Variants in STK32C observed in about 807,000 individuals in gnomAD.
STK32C encodes serine/threonine-protein kinase 32C.
A neutral mutation model predicts 56.5 loss-of-function variants in STK32C; 31 were observed. That is an observed-to-expected ratio of 0.55 (90% confidence interval 0.41 to 0.74). STK32C has a LOEUF of 0.74. Ranked by LOEUF, STK32C falls within the 30% of genes least tolerant of loss-of-function variation. STK32C has a pLI of 0.00. For missense variants in STK32C, 544 were observed against 676.9 expected (o/e 0.80, Z 2.18); for synonymous variants, 309 against 289.4 (o/e 1.07, Z -0.69).
chr10:132,236,409 G>A (rs2063296483), intron 2 of STK32C, among the ~76,000 whole-genome samples: 2 of 152,238 alleles, frequency 1.3e-5, no homozygotes, highest in Admixed American at 6.5e-5. Context: ...AGATGAGGAA[G>A]CTGAGGCTGG....
At chr10:132,308,124 C>A (rs992607696), upstream of STK32C, among the ~76,000 whole-genome samples, 1 of 10,366 alleles carries the variant, frequency 9.6e-5, no homozygotes. Flanking sequence ...GAGCCGGGGG[C>A]GGGGCAGGGG....
chr10:132,274,133 C>G (rs1443977179), intron 1 of STK32C, among the ~76,000 whole-genome samples: 2 of 152,220 alleles, frequency 1.3e-5, no homozygotes, highest in Non-Finnish European at 2.9e-5. Context: ...TCTGCAGATG[C>G]CTGCGGGGTC....
chr10:132,233,308 T>C (rs984691914), intron 2 of STK32C, among the ~76,000 whole-genome samples: 10 of 152,116 alleles, frequency 6.6e-5, no homozygotes, highest in African/African-American at 2.4e-4. Flanking sequence ...GGCAGTTCCA[T>C]CTCTCACTCT....
At chr10:132,308,473 G>C (rs576022155), upstream of STK32C, among the ~76,000 whole-genome samples, 2 of 152,090 alleles carry the variant, frequency 1.3e-5, no homozygotes, top group South Asian at 2.1e-4. Flanking sequence ...GGGTGAGGCC[G>C]GGCTGCAGGC....
chr10:132,281,902 TG>T (rs113212179), intron 1 of STK32C, among the ~76,000 whole-genome samples: 22,109 of 152,072 alleles, frequency 0.15, 2,932 homozygotes, highest in African/African-American at 0.36. Flanking sequence ...TGGTGGGGTC[TG>T]GGGGGAAGAG....
chr10:132,308,211 G>A (rs2066145856), upstream of STK32C, among the ~76,000 whole-genome samples: 1 of 152,154 alleles, frequency 6.6e-6, no homozygotes, highest in Non-Finnish European at 1.5e-5. Context: ...GGTTCGCCGG[G>A]ACACGGGGAC....
At chr10:132,310,445 C>T (rs957096318), upstream of STK32C, among the ~76,000 whole-genome samples, 6 of 152,184 alleles carry the variant, frequency 3.9e-5, no homozygotes, top group African/African-American at 9.7e-5. The surrounding 1 kb of genome is among the most constrained non-coding windows in gnomAD (Gnocchi z 4.6). Context: ...AAGAGGTGCA[C>T]AGTGTAGGCA....
intron 1 of STK32C, among the ~76,000 whole-genome samples, chr10:132,305,690 C>T (rs2066037480): frequency 6.6e-6 from 1 of 152,244 alleles, no homozygotes; most frequent in African/African-American, 2.4e-5. Flanking sequence ...GGCATCCACA[C>T]TCAGAGGTGC....
chr10:132,242,522 G>A (rs1237472895), intron 2 of STK32C, among the ~76,000 whole-genome samples: 3 of 152,100 alleles, frequency 2.0e-5, no homozygotes, highest in African/African-American at 4.8e-5. Flanking sequence ...CAGCGGCCCA[G>A]GAAGAGGGAC....
intron 1 of STK32C, among the ~76,000 whole-genome samples, chr10:132,299,227 G>A (rs1390315053): frequency 6.7e-6 from 1 of 148,862 alleles, no homozygotes; most frequent in Non-Finnish European, 1.5e-5. Flanking sequence ...GCAGAACTGA[G>A]ACCCCAGGAC....
chr10:132,284,546 T>C (rs1372886758), intron 1 of STK32C, among the ~76,000 whole-genome samples: 4 of 152,046 alleles, frequency 2.6e-5, no homozygotes, highest in Admixed American at 2.0e-4. Context: ...GAGCCCCCAG[T>C]AGCATCGACT....
chr10:132,293,871 G>T (rs75784184), intron 1 of STK32C, among the ~76,000 whole-genome samples: 2,175 of 152,316 alleles, frequency 0.014, 58 homozygotes, highest in African/African-American at 0.049. Context: ...GACGCAGAAG[G>T]AGCCAGGGCA....
intron 1 of STK32C, among the ~76,000 whole-genome samples, chr10:132,327,223 A>C (rs191428384): frequency 6.6e-6 from 1 of 152,200 alleles, no homozygotes; most frequent in Non-Finnish European, 1.5e-5. Context: ...TGATGATTTT[A>C]AAAAGGGGAG....
upstream of STK32C, among the ~76,000 whole-genome samples, chr10:132,309,715 G>T (rs144181035): frequency 4.3e-4 from 65 of 152,258 alleles, no homozygotes; most frequent in African/African-American, 1.5e-3. Flanking sequence ...GGAAGGGGAG[G>T]TACCAAGGCA....
exon 2 of STK32C, chr10:132,324,046 C>T (rs2138472752): frequency 1.7e-6 from 1 of 594,324 alleles, no homozygotes; most frequent in South Asian, 2.1e-5. Flanking sequence ...GGCCTAACCA[C>T]ACCTTAAACC....
chr10:132,262,549 T>C (rs781434416), intron 1 of STK32C, among the ~76,000 whole-genome samples: 2 of 151,934 alleles, frequency 1.3e-5, no homozygotes, highest in Non-Finnish European at 2.9e-5. Context: ...CTGACAAAGT[T>C]CTAATAACCA....
At chr10:132,273,684 G>A (rs759013011) in intron 1 of STK32C, among the ~76,000 whole-genome samples, 13 of 152,212 alleles carry the variant, frequency 8.5e-5, no homozygotes, top group Admixed American at 6.5e-5. Flanking sequence ...GAGTAAATGA[G>A]ATGAATGAGT....
chr10:132,249,659 A>AGCTCCTGCTGCCCC (rs2063828639), intron 1 of STK32C, among the ~76,000 whole-genome samples: 1 of 152,146 alleles, frequency 6.6e-6, no homozygotes, highest in African/African-American at 2.4e-5. Flanking sequence ...CCTGATGCCC[A>AGCTCCTGCTGCCCC]GCTCCTGCTG....
chr10:132,304,405 G>A (rs149151772), intron 1 of STK32C, among the ~76,000 whole-genome samples: 3 of 152,318 alleles, frequency 2.0e-5, no homozygotes, highest in East Asian at 3.9e-4. Flanking sequence ...AGTGCCCAGT[G>A]AATGACTCGG....
Sources: allele counts gnomAD v4.1 joint callset (sites outside exome capture counted in the v4.1 genomes callset), GRCh38; gene constraint gnomAD v4.1.1; non-coding constraint Gnocchi (gnomAD v3.1); transcripts MANE v1.5; gene names NCBI Gene and HGNC (gene_info 2026-07-23, HGNC 2026-07-21).